The following ZNF479 variants were observed in gnomAD, a reference collection of about 807,000 sequenced individuals.
ZNF479 encodes KRAB zinc finger protein KR19.
A neutral mutation model predicts 14.7 loss-of-function variants in ZNF479; 15 were observed. That is an observed-to-expected ratio of 1.02 (90% CI 0.68 to 1.57). The LOEUF is 1.57. Ranked by LOEUF, ZNF479 falls within the 40% of genes most tolerant of loss-of-function variation. The pLI is 0.00. For missense variants in ZNF479, 506 were observed against 615.1 expected (o/e 0.82, Z 1.88); for synonymous variants, 145 against 211.5 (o/e 0.69, Z 2.73).
chr7:57,132,245 A>G, intron 1 of ZNF479, 41 bp downstream of exon 1: 1 of 1,613,996 alleles, frequency 6.2e-7, no homozygotes, highest in Non-Finnish European at 8.5e-7. Context: ...GGTTCCAATC[A>G]GCCCCCACCC....
chr7:57,118,466 G>A lies in ZNF479; in HGVS notation c.*1374C>T, dbSNP rs570745592. 2.1e-3 allele frequency among the ~76,000 whole-genome samples: 325 copies of A among 151,946 alleles called. 2 individuals are homozygous for A. The highest frequency in any genetic ancestry group is 2.3e-3 in the Non-Finnish European group (155 of 68,014). On this transcript the variant is annotated 3_prime_UTR_variant, in exon 4 of 4. Coordinates refer to ENST00000319636, the MANE Select transcript of ZNF479 (RefSeq NM_001370129.2). ...AGCTCACTGCAACCTCTGCCTCCCC[G>A]GTTCAAGCAATTCTCCTACCTCTGC...
rs782558691 is a variant in ZNF479, at chr7:57,120,288, G to T, written c.1127C>A (p.Thr376Asn). ...TTCACATGTGTAGGGTTTCTCTCCA[G>T]TATGAATTCTCCTATGTCTCATAAG... ...SNLMRHRRIH[T>N]GEKPYTCEEC... The change falls in exon 4 of 4, where the codon ACT (threonine) becomes AAT (asparagine). Residue 376 changes from threonine (T) to asparagine (N), a missense_variant. By Grantham distance (65) the Thr-to-Asn change is moderately conservative. This residue lies in a region of ZNF479 where 420 missense variants were observed against 474.2 expected (regional missense o/e 0.89). Transcript: ENST00000319636. 24 of 1,609,426 alleles carry T rather than the reference G, an allele frequency of 1.5e-5. No individual in the cohort carries two copies. Among genetic ancestry groups the T allele is most frequent in the African/African-American group, 2.7e-5 (2 of 74,652 alleles).
intron 1 of ZNF479, among the ~76,000 whole-genome samples, chr7:57,131,972 T>C (rs1786444819): frequency 6.6e-6 from 1 of 152,120 alleles, no homozygotes; most frequent in Non-Finnish European, 1.5e-5. Flanking sequence ...GAGTCAGGAT[T>C]CTCCCCTGAT....
chr7:57,132,392 C>A lies in ZNF479; in HGVS notation c.-68G>T. ...GCCTCTAGGAGCAGAGGACACAGAG[C>A]AGTGAAGAGGAGAACTGCAGCTCTG... On this transcript the variant is annotated 5_prime_UTR_variant, in exon 1 of 4. Transcript: ENST00000319636. 6.2e-7 allele frequency: 1 copy of A among 1,612,140 alleles called. No individual in the cohort carries two copies. The highest frequency in any genetic ancestry group is 1.1e-5 in the South Asian group (1 of 91,030).
rs1434353421 is a variant in ZNF479 at position 57,119,739 on chromosome 7, G to T, written c.*101C>A. On this transcript the variant is annotated 3_prime_UTR_variant, in exon 4 of 4. Coordinates refer to ENST00000319636, the MANE Select transcript of ZNF479 (RefSeq NM_001370129.2). ...TTCTCTTACATTCAATTAAGGTTTG[G>T]AACTGGTTAAAGGCTTGGCCACATT... 8.1e-4 allele frequency: 894 copies of T among 1,099,322 alleles called. No individual in the cohort carries two copies. Among genetic ancestry groups the T allele is most frequent in the Non-Finnish European group, 1.1e-3 (827 of 775,828 alleles). 68.1% of individuals were successfully genotyped at this position (1,099,322 alleles called of 1,614,324 possible). A position where few individuals can be genotyped will look rare whatever the true frequency, so the allele number is the denominator to read the frequency against.
chr7:57,129,946 C>T (rs972543797), intron 1 of ZNF479, among the ~76,000 whole-genome samples: 17 of 152,002 alleles, frequency 1.1e-4, no homozygotes, highest in South Asian at 8.3e-4. Context: ...TAATTACAAC[C>T]GAAATACAAC....
chr7:57,126,654 C>T lies in ZNF479; in HGVS notation c.104G>A (p.Cys35Tyr), dbSNP rs779577385. Reference sequence around the variant, plus strand: ...ATCTCTATATAAATTCCGCTGAGCACAATCCAGGCATTGCCATTCCTCCAG... The same window carrying T: ...ATCTCTATATAAATTCCGCTGAGCATAATCCAGGCATTGCCATTCCTCCAG... ...FSLEEWQCLD[C>Y]AQRNLYRDVM... Residue 35 changes from cysteine (C) to tyrosine (Y), a missense_variant, in exon 2 of 4, where the codon TGT becomes TAT. Around this residue, in one of 3 missense-constraint regions of ZNF479, gnomAD observed 420 missense variants for 474.2 expected, o/e 0.89. Coordinates refer to ENST00000319636, the MANE Select transcript of ZNF479 (RefSeq NM_001370129.2). 8.7e-6 allele frequency: 14 copies of T among 1,613,598 alleles called. No individual in the cohort carries two copies. Among genetic ancestry groups the T allele is most frequent in the Non-Finnish European group, 1.1e-5 (13 of 1,179,720 alleles).
chr7:57,133,190 T>C (rs565224944), upstream of ZNF479, among the ~76,000 whole-genome samples: 1 of 152,240 alleles, frequency 6.6e-6, no homozygotes, highest in Admixed American at 6.5e-5. Flanking sequence ...CAGGAGGTGA[T>C]TGGATCATTG....
At chr7:57,133,929 A>G (rs1377923295), upstream of ZNF479, among the ~76,000 whole-genome samples, 1 of 152,236 alleles carries the variant, frequency 6.6e-6, no homozygotes, top group East Asian at 1.9e-4. Context: ...AATCAGCCCA[A>G]TATATCCAAA....
At chr7:57,130,771 G>A (rs762047649) in intron 1 of ZNF479, among the ~76,000 whole-genome samples, 1 of 152,146 alleles carries the variant, frequency 6.6e-6, no homozygotes, top group South Asian at 2.1e-4. Flanking sequence ...CCCAGTGAAT[G>A]TAAGTTTTTC....
intron 1 of ZNF479, among the ~76,000 whole-genome samples, chr7:57,128,865 A>AT (rs1309874213): frequency 6.6e-6 from 1 of 152,176 alleles, no homozygotes; most frequent in African/African-American, 2.4e-5. Context: ...AGAAAAAGTG[A>AT]TTTGTTTCTT....
rs1397566464 is a variant in ZNF479 at position 57,118,400 on chromosome 7, C to G, written c.*1440G>C. ...TATAATTTTTTTTTTGAGACAGAGT[C>G]TTGCTCTGTCACCCAGGCTGTAGTG... is the stretch of plus-strand genomic sequence containing the variant. On this transcript the variant is annotated 3_prime_UTR_variant, in exon 4 of 4. Coordinates refer to ENST00000319636, the MANE Select transcript of ZNF479 (RefSeq NM_001370129.2). Among the ~76,000 whole-genome samples the G allele has an allele frequency of 6.6e-6, 1 of 152,132 alleles. No individual in the cohort carries two copies. The highest frequency in any genetic ancestry group is 1.5e-5 in the Non-Finnish European group (1 of 68,032).
intron 3 of ZNF479, among the ~76,000 whole-genome samples, chr7:57,123,944 A>G (rs1012882076): frequency 5.3e-5 from 8 of 152,112 alleles, no homozygotes; most frequent in South Asian, 2.1e-4. Context: ...ACATGGAAAT[A>G]AACACACTCT....
chr7:57,121,114 G>C lies in ZNF479; in HGVS notation c.301C>G (p.Gln101Glu). Residue 101 changes from glutamine (Q) to glutamate (E), a missense_variant, in exon 4 of 4, where the codon CAG (glutamine) becomes GAG (glutamate). This residue lies in a region of ZNF479 where 420 missense variants were observed against 474.2 expected (regional missense o/e 0.89). Transcript: ENST00000319636. ...TTTTGGAGTGAATCTTTGATGCCCTGCTCTGGCTGAAGGTCTTGGGTGAAA... is the reference window on the plus strand; with the variant it reads ...TTTTGGAGTGAATCTTTGATGCCCTCCTCTGGCTGAAGGTCTTGGGTGAAA... Reference protein sequence around the residue: ...SHFTQDLQPEQGIKDSLQKVI... With the variant: ...SHFTQDLQPEEGIKDSLQKVI... 1 of 1,613,740 alleles carries C rather than the reference G, an allele frequency of 6.2e-7. No homozygotes were observed. The highest frequency in any genetic ancestry group is 1.3e-5 in the African/African-American group (1 of 74,982).
At chr7:57,123,227 G>GT (rs1192116183) in intron 3 of ZNF479, among the ~76,000 whole-genome samples, 1 of 152,156 alleles carries the variant, frequency 6.6e-6, no homozygotes, top group East Asian at 1.9e-4. Flanking sequence ...GAAAGACGAC[G>GT]TGAGTGTGAG....
Position 57,119,846 on chromosome 7 carries a change from A to G in ZNF479, c.1569T>C (p.Cys523=), listed in dbSNP as rs1354757208. Reference sequence around the variant, plus strand: ...GAGGGTGGACTTTGCCATATTATTCACATTTGTAGGGTTTCTCTCCAGTGT... The same window carrying G: ...GAGGGTGGACTTTGCCATATTATTCGCATTTGTAGGGTTTCTCTCCAGTGT... ...IIHTGEKPYK[C]E is the part of the protein sequence containing the mutation. Residue 523 remains cysteine, a synonymous_variant, in exon 4 of 4, where the codon TGT becomes TGC. Coordinates refer to ENST00000319636, the MANE Select transcript of ZNF479 (RefSeq NM_001370129.2). 1.2e-6 allele frequency: 2 copies of G among 1,612,620 alleles called. No homozygotes were observed. Among genetic ancestry groups the G allele is most frequent in the African/African-American group, 1.3e-5 (1 of 74,858 alleles).
At chr7:57,133,802 G>T (rs1786533026), upstream of ZNF479, among the ~76,000 whole-genome samples, 1 of 151,828 alleles carries the variant, frequency 6.6e-6, no homozygotes, top group South Asian at 2.1e-4. Flanking sequence ...AGAGGCAGAG[G>T]TTGCAGTGAC....
intron 3 of ZNF479, among the ~76,000 whole-genome samples, chr7:57,124,900 C>G (rs1484462622): frequency 6.6e-6 from 1 of 152,074 alleles, no homozygotes; most frequent in Non-Finnish European, 1.5e-5. Flanking sequence ...CATGGTGAAA[C>G]CCACCACTAC....
rs1785928356 is a variant in ZNF479 at position 57,121,163 on chromosome 7, C to T, written c.263-11G>A. Reference sequence around the variant, plus strand: ...AATGGGAACGCGTAACTGAAAGACACAAAAAGCACAAGTTACTCCACTTTC... The same window carrying T: ...AATGGGAACGCGTAACTGAAAGACATAAAAAGCACAAGTTACTCCACTTTC... On this transcript the variant is annotated splice_polypyrimidine_tract_variant and intron_variant, in intron 3 of 3. Coordinates refer to ENST00000319636, the MANE Select transcript of ZNF479 (RefSeq NM_001370129.2). 6.2e-7 allele frequency: 1 copy of T among 1,612,928 alleles called. No individual in the cohort carries two copies. Among genetic ancestry groups the T allele is most frequent in the East Asian group, 2.2e-5 (1 of 44,852 alleles).
Sources: gnomAD v4.1 joint callset for allele counts (sites outside exome capture counted in the v4.1 genomes callset) on GRCh38, gnomAD v4.1.1 for gene constraint, gnomAD v4.1.1 regional missense constraint, MANE v1.5 for transcripts, NCBI Gene and HGNC (gene_info 2026-07-23, HGNC 2026-07-21) for gene names.